The following CXCL17 variants were observed in gnomAD, a reference collection of about 807,000 sequenced individuals.
CXCL17 encodes C-X-C motif chemokine 17.
A neutral mutation model predicts 15.5 loss-of-function variants in CXCL17; 9 were observed. The observed-to-expected ratio is 0.58, with a 90% CI of 0.35 to 1.01. The LOEUF is 1.01. Ranked by LOEUF, CXCL17 falls within the 50% of genes least tolerant of loss-of-function variation. The pLI, the probability that CXCL17 is intolerant of heterozygous loss-of-function variation, is 0.02. For synonymous variants in CXCL17, 52 were observed against 52.3 expected (o/e 0.99, Z 0.02); for missense variants, 133 against 138.2 (o/e 0.96, Z 0.19).
chr19:42,439,115 G>T (rs1289162282), intron 1 of CXCL17, among the ~76,000 whole-genome samples: 1 of 151,968 alleles, frequency 6.6e-6, no homozygotes, highest in Admixed American at 6.6e-5. Flanking sequence ...TTAGCTGGGT[G>T]TGGTGGTGTC....
chr19:42,441,105 C>T (rs2040887634), intron 1 of CXCL17, among the ~76,000 whole-genome samples: 1 of 152,178 alleles, frequency 6.6e-6, no homozygotes, highest in South Asian at 2.1e-4. Flanking sequence ...CTAATGTTTG[C>T]TGAGTACTGA....
rs555629375 is a variant in CXCL17, at chr19:42,442,908, G to C, written c.-76C>G. 1.2e-4 allele frequency: 139 copies of C among 1,141,920 alleles called. No individual in the cohort carries two copies. In the Middle Eastern group the frequency reaches 2.7e-3, roughly 22 times the overall value. The allele number at this position is 1,141,920 out of a possible 1,614,324, so 70.7% of individuals were successfully genotyped here. On this transcript the variant is annotated 5_prime_UTR_variant, in exon 1 of 4. Transcript: ENST00000601181. ...CCCTGCTGGAGGCTCCTGATCCCTG[G>C]GGATGACTCAGGTCAGGATACTCAG...
At chr19:42,438,284 G>A (rs2040852306) in intron 1 of CXCL17, among the ~76,000 whole-genome samples, 1 of 141,950 alleles carries the variant, frequency 7.0e-6, no homozygotes, top group South Asian at 2.2e-4. Context: ...TGTGAACCCA[G>A]GAGGCAGAGC....
intron 1 of CXCL17, among the ~76,000 whole-genome samples, chr19:42,435,828 TAA>T (rs34518705): frequency 0.011 from 1,495 of 136,838 alleles, 29 homozygotes; most frequent in African/African-American, 0.037. Context: ...AGACTTTGTC[TAA>T]AAAAAAAAAA....
intron 1 of CXCL17, among the ~76,000 whole-genome samples, chr19:42,438,407 A>ATACACACACACACAC (rs1568622705): frequency 9.9e-6 from 1 of 101,144 alleles, no homozygotes; most frequent in African/African-American, 5.1e-5. Context: ...TATATATATA[A>ATACACACACACACAC]AATACACACA....
At position 42,428,843 on chromosome 19, in the gene CXCL17, G is replaced by A. The variant is rs2040744083; in HGVS notation, c.*41C>T. On this transcript the variant is annotated 3_prime_UTR_variant, in exon 4 of 4. Transcript: ENST00000601181. ...TGGTAGGTGTGCTCACTGTCTTCTT[G>A]GCTGAGAATGTTTAATTGGAAGAGT... 5.4e-6 allele frequency: 8 copies of A among 1,479,772 alleles called. No homozygotes were observed. In the East Asian group the frequency reaches 1.8e-4, roughly 33 times the overall value. 91.7% of individuals were successfully genotyped at this position (1,479,772 alleles called of 1,614,324 possible).
chr19:42,438,637 T>C (rs977195519), intron 1 of CXCL17, among the ~76,000 whole-genome samples: 1 of 151,840 alleles, frequency 6.6e-6, no homozygotes, highest in Non-Finnish European at 1.5e-5. Context: ...CTACTAGCAA[T>C]GGACCTATCA....
chr19:42,431,512 T>A lies in CXCL17; in HGVS notation c.262+1464A>T, dbSNP rs1449712867. On this transcript the variant is annotated intron_variant, in intron 3 of 3. Coordinates refer to ENST00000601181, the MANE Select transcript of CXCL17 (RefSeq NM_198477.3). ...CTTTCATACCTCAAGGTTGTGAATA[T>A]ATTCTCCTGTATTTCCTTGTAAATT... Among the ~76,000 whole-genome samples the A allele has an allele frequency of 6.6e-5, 10 of 152,188 alleles. No individual in the cohort carries two copies. In the South Asian group the frequency reaches 1.9e-3, roughly 28 times the overall value.
rs147526497 is a variant in CXCL17 at position 42,431,313 on chromosome 19, A to G, written c.262+1663T>C. ...ACTGGTCTGTAGCAATTCCTTATAT[A>G]TGTATTCTGAATACTAATCCTTTGA... On this transcript the variant is annotated intron_variant, in intron 3 of 3. Coordinates refer to ENST00000601181, the MANE Select transcript of CXCL17 (RefSeq NM_198477.3). 5.7e-4 allele frequency among the ~76,000 whole-genome samples: 87 copies of G among 152,250 alleles called. 1 individual carries two copies. The East Asian group carries it at 0.017, about 29-fold the overall frequency.
intron 1 of CXCL17, among the ~76,000 whole-genome samples, chr19:42,436,712 A>G (rs908654499): frequency 6.6e-6 from 1 of 152,154 alleles, no homozygotes; most frequent in Non-Finnish European, 1.5e-5. Context: ...AATGCATAAT[A>G]CTCTCAATAA....
intron 1 of CXCL17, among the ~76,000 whole-genome samples, chr19:42,441,655 A>G (rs2040893304): frequency 6.6e-6 from 1 of 152,168 alleles, no homozygotes; most frequent in Non-Finnish European, 1.5e-5. Flanking sequence ...GAGAAGGGAG[A>G]ATGCCTCCTG....
chr19:42,430,634 T>C (rs974989195), intron 3 of CXCL17, among the ~76,000 whole-genome samples: 7 of 151,646 alleles, frequency 4.6e-5, no homozygotes, highest in Admixed American at 3.9e-4. Flanking sequence ...AAATAGAATA[T>C]TGCCAACAGC....
At chr19:42,438,354 C>CAAAAAAAAAAAA (rs34157586) in intron 1 of CXCL17, among the ~76,000 whole-genome samples, 1 of 17,466 alleles carries the variant, frequency 5.7e-5, no homozygotes, top group Non-Finnish European at 8.0e-5. Flanking sequence ...GACTCTGTCT[C>CAAAAAAAAAAAA]AAAAAAAAAA....
intron 1 of CXCL17, among the ~76,000 whole-genome samples, chr19:42,441,878 C>T (rs544277028): frequency 3.3e-5 from 5 of 152,320 alleles, no homozygotes; most frequent in Admixed American, 6.5e-5. Flanking sequence ...TGAGCTGTTA[C>T]AGCAGGGCTT....
chr19:42,435,419 GA>G (rs921738894), intron 1 of CXCL17, among the ~76,000 whole-genome samples: 29 of 152,110 alleles, frequency 1.9e-4, no homozygotes, highest in African/African-American at 6.8e-4. Context: ...TTCACATGTT[GA>G]ATCCATAACC....
chr19:42,440,879 T>C (rs182310228), intron 1 of CXCL17, among the ~76,000 whole-genome samples: 1 of 151,462 alleles, frequency 6.6e-6, no homozygotes, highest in East Asian at 1.9e-4. Flanking sequence ...TGGCGATGTC[T>C]AGAGATATTT....
chr19:42,434,376 A>T (rs1176660733), intron 1 of CXCL17, among the ~76,000 whole-genome samples: 1 of 152,074 alleles, frequency 6.6e-6, no homozygotes, highest in African/African-American at 2.4e-5. Context: ...CGAGGAGGAG[A>T]TTATTCCTTA....
chr19:42,429,402 C>T (rs996930153), intron 3 of CXCL17, among the ~76,000 whole-genome samples: 4 of 151,988 alleles, frequency 2.6e-5, no homozygotes, highest in African/African-American at 9.7e-5. Context: ...AATCTTGGCT[C>T]ACTGCAACCA....
At chr19:42,437,471 C>T (rs1568622276) in intron 1 of CXCL17, among the ~76,000 whole-genome samples, 1 of 152,180 alleles carries the variant, frequency 6.6e-6, no homozygotes, top group Non-Finnish European at 1.5e-5. Context: ...GGCCTGGGGT[C>T]AGCTACTGGC....
Sources: allele counts gnomAD v4.1 joint callset (sites outside exome capture counted in the v4.1 genomes callset), GRCh38; gene constraint gnomAD v4.1.1; transcripts MANE v1.5; gene names NCBI Gene and HGNC (gene_info 2026-07-23, HGNC 2026-07-21).